AFMID: variants seen among roughly 807,000 people sequenced by gnomAD.
AFMID encodes arylformamidase, also known as kynurenine formamidase.
AFMID carries 39 observed loss-of-function variants against 47.5 expected under a neutral mutation model. That is an observed-to-expected ratio of 0.82 (90% CI 0.64 to 1.07). The LOEUF (loss-of-function observed/expected upper bound fraction) is 1.07, where lower values mean the gene tolerates loss of function less well. Among genes scored for constraint, AFMID ranks in the 50% least tolerant of loss-of-function variants. The pLI, the probability that AFMID is intolerant of heterozygous loss-of-function variation, is 0.00. For synonymous variants in AFMID, 130 were observed against 153.2 expected (o/e 0.85, Z 1.12); for missense variants, 375 against 387.5 (o/e 0.97, Z 0.27).
intron 2 of AFMID, among the ~76,000 whole-genome samples, chr17:78,191,467 T>A (rs1338625163): frequency 6.6e-6 from 1 of 152,092 alleles, no homozygotes; most frequent in African/African-American, 2.4e-5. Context: ...GTATATCACT[T>A]GAGGCCAGGA....
Position 78,206,002 on chromosome 17 carries a change from C to T in AFMID, c.837C>T (p.His279=), listed in dbSNP as rs756619887. The T allele has an allele frequency of 6.2e-7, 1 of 1,613,940 alleles. No individual in the cohort carries two copies. The highest frequency in any genetic ancestry group is 8.5e-7 in the Non-Finnish European group (1 of 1,180,028). The change falls in exon 10 of 11, where the codon CAC becomes CAT. Residue 279 remains histidine, a synonymous_variant. Transcript: ENST00000409257. ...TTGAAGAGCTCCACGATGTGGACCA[C>T]TTTGAAATTGTTGAGAATCTGACCC... ...ASFEELHDVD[H]FEIVENLTQK...
rs770406916 is a variant in AFMID, at chr17:78,205,027, C to T, written c.468-66C>T. The T allele has an allele frequency of 6.4e-6, 10 of 1,561,458 alleles. No homozygotes were observed. In the African/African-American group the frequency reaches 6.8e-5, roughly 11 times the overall value. ...GAGCAGAAAGCAAATTGGGACTCTT[C>T]GAAGGGGGCCTGATGTTGTGGGGAA... On this transcript the variant is annotated intron_variant, in intron 6 of 10. Transcript: ENST00000409257.
chr17:78,197,229 T>A, intron 2 of AFMID: 1 of 1,549,768 alleles, frequency 6.5e-7, no homozygotes. Context: ...GTCTTCACAC[T>A]GTGCTGGGGC....
chr17:78,202,479 CT>C lies in AFMID; in HGVS notation c.155-18del. The C allele has an allele frequency of 6.2e-7, 1 of 1,611,580 alleles. No individual in the cohort carries two copies. ...CCACCTGAGCTTGTGCTGACAGCGACTTGTCCATTTCTGAGACAGCCACCAC... is the reference window on the plus strand; with the variant it reads ...CCACCTGAGCTTGTGCTGACAGCGACTGTCCATTTCTGAGACAGCCACCAC... On this transcript the variant is annotated intron_variant, in intron 2 of 10. Transcript: ENST00000409257.
chr17:78,199,674 G>A (rs1278835903), intron 2 of AFMID, among the ~76,000 whole-genome samples: 1 of 118,966 alleles, frequency 8.4e-6, no homozygotes, highest in Non-Finnish European at 1.6e-5. Context: ...CGCCCGGCCA[G>A]GCTTTTTTTT....
chr17:78,194,110 GT>G (rs200914851), intron 2 of AFMID, among the ~76,000 whole-genome samples: 38,580 of 145,192 alleles, frequency 0.27, 5,302 homozygotes, highest in South Asian at 0.37. Flanking sequence ...TATGTATTGG[GT>G]TTTTTTTTTT....
intron 1 of AFMID, 57 bp downstream of exon 1, chr17:78,187,490 G>T (rs539588968): frequency 7.2e-5 from 115 of 1,600,974 alleles, no homozygotes; most frequent in Non-Finnish European, 9.6e-5. Flanking sequence ...TCATTTATTA[G>T]ATTGGAATTC....
At chr17:78,190,304 C>T (rs1049227135) in intron 1 of AFMID, among the ~76,000 whole-genome samples, 5 of 152,154 alleles carry the variant, frequency 3.3e-5, no homozygotes, top group Non-Finnish European at 7.3e-5. Context: ...TGCAAACTGA[C>T]CTTTCATTCC....
At chr17:78,197,509 T>G (rs1598999763) in intron 2 of AFMID, 1 of 318,496 alleles carries the variant, frequency 3.1e-6, no homozygotes, top group African/African-American at 2.2e-5. Context: ...CACCTTGATC[T>G]TGGACTTCCA....
intron 10 of AFMID, among the ~76,000 whole-genome samples, 193 bp downstream of exon 10, chr17:78,206,243 G>A (rs2076377365): frequency 6.6e-6 from 1 of 150,826 alleles, no homozygotes; most frequent in South Asian, 2.1e-4. Context: ...GGAGGCTGAG[G>A]CATGAGAATT....
At chr17:78,202,911 G>T in intron 4 of AFMID, 160 bp downstream of exon 4, 1 of 908,984 alleles carries the variant, frequency 1.1e-6, no homozygotes, top group Non-Finnish European at 1.7e-6. Flanking sequence ...GTCAAATGTG[G>T]GCAGGGTTCC....
chr17:78,193,323 A>G (rs1211652445), intron 2 of AFMID, among the ~76,000 whole-genome samples: 1 of 141,010 alleles, frequency 7.1e-6, no homozygotes, highest in Non-Finnish European at 1.5e-5. Context: ...GTGAGCCGGG[A>G]TCGCGCCACT....
At chr17:78,193,959 G>C (rs1280600664) in intron 2 of AFMID, among the ~76,000 whole-genome samples, 2 of 144,422 alleles carry the variant, frequency 1.4e-5, no homozygotes, top group African/African-American at 5.3e-5. Flanking sequence ...CTGGGCGACA[G>C]AGCGAGACTC....
chr17:78,196,193 C>T (rs961411060), intron 2 of AFMID, among the ~76,000 whole-genome samples: 2 of 151,884 alleles, frequency 1.3e-5, no homozygotes, highest in Admixed American at 6.6e-5. Flanking sequence ...AGTGAAACCC[C>T]ATCTCTACTA....
chr17:78,192,971 T>C (rs539763562), intron 2 of AFMID, among the ~76,000 whole-genome samples: 150 of 151,998 alleles, frequency 9.9e-4, no homozygotes, highest in Non-Finnish European at 1.6e-3. Context: ...CTCAATAGAT[T>C]GGGGGGGAGC....
intron 2 of AFMID, among the ~76,000 whole-genome samples, chr17:78,196,780 G>A (rs1481963437): frequency 7.2e-5 from 11 of 152,166 alleles, no homozygotes; most frequent in Non-Finnish European, 1.6e-4. Context: ...TTTCCACATA[G>A]CCTGAGTTGT....
In AFMID at chr17:78,187,960, C is replaced by CAAAAAAAA. The variant is rs34018698; in HGVS notation, c.63+549_63+556dup. Among the ~76,000 whole-genome samples, 58 of 56,676 alleles carry CAAAAAAAA rather than the reference C, an allele frequency of 1.0e-3. 2 individuals carry two copies. The highest frequency in any genetic ancestry group is 4.6e-3 in the East Asian group (5 of 1,078). 37.2% of individuals were successfully genotyped at this position (56,676 alleles called of 152,430 possible). A position where few individuals can be genotyped will look rare whatever the true frequency, so the allele number is the denominator to read the frequency against. ...TGGGCGATAGACCAAGACTTAGTCT[C>CAAAAAAAA]AAAAAAAAAAAAAAAAAAAAAAAAA... On this transcript the variant is annotated intron_variant, in intron 1 of 10. Transcript: ENST00000409257.
chr17:78,187,558 T>A, intron 1 of AFMID, 125 bp downstream of exon 1: 1 of 986,782 alleles, frequency 1.0e-6, no homozygotes, highest in Non-Finnish European at 1.5e-6. Context: ...GAGCGCCTAG[T>A]GCGTGCCAGG....
chr17:78,191,028 C>T lies in AFMID; in HGVS notation c.122C>T (p.Ala41Val). 6.2e-7 allele frequency: 1 copy of T among 1,614,036 alleles called. No individual in the cohort carries two copies. Among genetic ancestry groups the T allele is most frequent in the Non-Finnish European group, 8.5e-7 (1 of 1,179,986 alleles). The change falls in exon 2 of 11, where the codon GCC (alanine) becomes GTC (valine). Residue 41 changes from alanine (A) to valine (V), a missense_variant. Ala to Val is a moderately conservative substitution (Grantham distance 64). Coordinates refer to ENST00000409257, the MANE Select transcript of AFMID (RefSeq NM_001010982.5). ...GTTGTCCGACTGGGAGCAGAGGAAG[C>T]CTTGAGGACCTACTCACAGATAGGA... Reference protein sequence around the residue: ...RWVVRLGAEEALRTYSQIGIE... With the variant: ...RWVVRLGAEEVLRTYSQIGIE...
Sources: allele counts gnomAD v4.1 joint callset (sites outside exome capture counted in the v4.1 genomes callset), GRCh38; gene constraint gnomAD v4.1.1; transcripts MANE v1.5; gene names NCBI Gene and HGNC (gene_info 2026-07-23, HGNC 2026-07-21).